MEI4: variants seen among roughly 807,000 people sequenced by gnomAD.
MEI4 encodes the protein meiosis-specific protein MEI4.
In MEI4, 27 loss-of-function variants were observed where a neutral mutation model predicts 31.4. The ratio of observed to expected loss-of-function variants is 0.86; its 90% CI spans 0.63 to 1.19. The LOEUF is 1.19. Among genes scored for constraint, MEI4 ranks in the 50% most tolerant of loss-of-function variants. The pLI, the probability that MEI4 is intolerant of heterozygous loss-of-function variation, is 0.00. For missense variants in MEI4, 329 were observed against 398.9 expected (o/e 0.82, Z 1.49); for synonymous variants, 122 against 145.4 (o/e 0.84, Z 1.16).
At chr6:77,702,675 C>T (rs1766250345) in intron 2 of MEI4, among the ~76,000 whole-genome samples, 1 of 152,148 alleles carries the variant, frequency 6.6e-6, no homozygotes, top group African/African-American at 2.4e-5. Context: ...CTCAAGTCAT[C>T]TTATTTAATT....
intron 1 of MEI4, among the ~76,000 whole-genome samples, chr6:77,662,076 T>C (rs928531199): frequency 6.6e-6 from 1 of 152,208 alleles, no homozygotes; most frequent in Non-Finnish European, 1.5e-5. Context: ...TCAGCCCATA[T>C]GACTGCATGA....
At chr6:77,834,270 G>C (rs1361023572) in intron 4 of MEI4, among the ~76,000 whole-genome samples, 1 of 151,342 alleles carries the variant, frequency 6.6e-6, no homozygotes, top group Non-Finnish European at 1.5e-5. Flanking sequence ...TGTTGACATG[G>C]TAAATAAGTT....
At chr6:77,839,318 G>C (rs2127714130) in intron 4 of MEI4, among the ~76,000 whole-genome samples, 1 of 152,268 alleles carries the variant, frequency 6.6e-6, no homozygotes. Flanking sequence ...AGTAGGTAAA[G>C]AGACTTCTGG....
At chr6:77,894,811 C>A (rs1266783326) in intron 4 of MEI4, among the ~76,000 whole-genome samples, 4 of 152,170 alleles carry the variant, frequency 2.6e-5, no homozygotes, top group Non-Finnish European at 5.9e-5. Flanking sequence ...ATGATTTTAG[C>A]CTGTGGCTTT....
intron 3 of MEI4, among the ~76,000 whole-genome samples, chr6:77,774,572 T>G (rs941632803): frequency 6.6e-6 from 1 of 152,072 alleles, no homozygotes; most frequent in Admixed American, 6.6e-5. Flanking sequence ...AGGAAGTAGC[T>G]TTTAAACAGG....
intron 3 of MEI4, among the ~76,000 whole-genome samples, chr6:77,825,309 A>G (rs76271511): frequency 7.2e-4 from 109 of 152,312 alleles, no homozygotes; most frequent in African/African-American, 2.4e-3. Flanking sequence ...CCGTTTATTA[A>G]GCAGTTGCCT....
chr6:77,709,585 T>C (rs1404447540), intron 2 of MEI4, among the ~76,000 whole-genome samples: 1 of 152,184 alleles, frequency 6.6e-6, no homozygotes, highest in Admixed American at 6.5e-5. Context: ...ATACATACTT[T>C]TTATAGTACT....
chr6:77,766,125 G>A (rs1428953082), intron 3 of MEI4, among the ~76,000 whole-genome samples: 3 of 152,178 alleles, frequency 2.0e-5, no homozygotes, highest in Non-Finnish European at 2.9e-5. Context: ...CACAGCTACA[G>A]CTTCCAGTTG....
chr6:77,914,689 A>G (rs1766503485), intron 4 of MEI4, among the ~76,000 whole-genome samples: 1 of 152,096 alleles, frequency 6.6e-6, no homozygotes, highest in Non-Finnish European at 1.5e-5. Context: ...GTTCCCAACT[A>G]TTAGAGTATT....
At chr6:77,908,226 G>A (rs1364852104) in intron 4 of MEI4, among the ~76,000 whole-genome samples, 3 of 152,066 alleles carry the variant, frequency 2.0e-5, no homozygotes, top group South Asian at 2.1e-4. Context: ...CCTTGCCCAT[G>A]CCTATGTACT....
At chr6:77,910,925 G>T (rs966209906) in intron 4 of MEI4, among the ~76,000 whole-genome samples, 4 of 120,560 alleles carry the variant, frequency 3.3e-5, no homozygotes, top group East Asian at 2.3e-4. Context: ...CCAGCTTCTG[G>T]TTTTTTTTTT....
intron 2 of MEI4, among the ~76,000 whole-genome samples, chr6:77,736,797 C>T (rs781711981): frequency 4.6e-5 from 7 of 151,960 alleles, no homozygotes; most frequent in Non-Finnish European, 7.4e-5. Context: ...ACCCTGTAGT[C>T]CAGAGAAAGA....
Position 77,692,876 on chromosome 6 carries a change from A to G in MEI4, c.232+1973A>G, listed in dbSNP as rs970179123. The stretch of plus-strand genomic sequence containing the variant: ...TATGGTCAGAGAGGATGAGCATGCT[A>G]GAACTACAGACACAGACTTAGGATC... On this transcript the variant is annotated intron_variant, in intron 2 of 4. Transcript: ENST00000684080. Among the ~76,000 whole-genome samples, 10 of 152,196 alleles carry G rather than the reference A, an allele frequency of 6.6e-5. No homozygotes were observed. The East Asian group carries it at 1.4e-3, about 21-fold the overall frequency.
intron 2 of MEI4, among the ~76,000 whole-genome samples, chr6:77,745,453 C>T (rs1209290311): frequency 2.0e-5 from 3 of 152,130 alleles, no homozygotes; most frequent in African/African-American, 7.2e-5. Flanking sequence ...AATACAGGAG[C>T]ACCCAGATTC....
At chr6:77,915,122 T>C (rs376068371) in intron 4 of MEI4, among the ~76,000 whole-genome samples, 24 of 152,232 alleles carry the variant, frequency 1.6e-4, no homozygotes, top group African/African-American at 4.8e-4. Flanking sequence ...TGTTTGTGTG[T>C]CTTTCCTTCC....
At chr6:77,876,812 T>C (rs915298734) in intron 4 of MEI4, among the ~76,000 whole-genome samples, 2 of 151,938 alleles carry the variant, frequency 1.3e-5, no homozygotes, top group East Asian at 3.9e-4. Flanking sequence ...TACAAAAATA[T>C]GAGGCAAAGT....
intron 4 of MEI4, among the ~76,000 whole-genome samples, chr6:77,908,406 A>C (rs1347718183): frequency 2.6e-5 from 4 of 152,108 alleles, no homozygotes; most frequent in Non-Finnish European, 4.4e-5. Context: ...TAAATAGGGA[A>C]TCGTTTCCCC....
rs1449740608 is a variant in MEI4 at position 77,924,342 on chromosome 6, A to G, written c.*996A>G. On this transcript the variant is annotated 3_prime_UTR_variant, in exon 5 of 5. Transcript: ENST00000684080. ...CTTGATAATTCCATCTACAATGTATATACAATTATGTCATCTGGCACAAAC... is the reference window on the plus strand; with the variant it reads ...CTTGATAATTCCATCTACAATGTATGTACAATTATGTCATCTGGCACAAAC... The G allele has an allele frequency of 2.0e-5, 3 of 151,918 alleles. No individual in the cohort carries two copies. The highest frequency in any genetic ancestry group is 4.4e-5 in the Non-Finnish European group (3 of 67,904). 9.4% of individuals were successfully genotyped at this position (151,918 alleles called of 1,614,324 possible).
chr6:77,701,621 A>G (rs1766223755), intron 2 of MEI4, among the ~76,000 whole-genome samples: 2 of 151,852 alleles, frequency 1.3e-5, no homozygotes, highest in African/African-American at 4.8e-5. Flanking sequence ...ATATAAATAT[A>G]ACAATATATT....
Sources: gnomAD v4.1 joint callset for allele counts (sites outside exome capture counted in the v4.1 genomes callset) on GRCh38, gnomAD v4.1.1 for gene constraint, MANE v1.5 for transcripts, NCBI Gene and HGNC (gene_info 2026-07-23, HGNC 2026-07-21) for gene names.